Variants in GKN1 observed in about 807,000 individuals in gnomAD.
GKN1 encodes the protein gastrokine 1.
In GKN1, 17 loss-of-function variants were observed where a neutral mutation model predicts 19.7. That is an observed-to-expected ratio of 0.86 (90% CI 0.59 to 1.29). The LOEUF is 1.29. GKN1 is among the 50% of genes most tolerant of loss of function. The pLI, the probability that GKN1 is intolerant of heterozygous loss-of-function variation, is 0.00. For synonymous variants in GKN1, 96 were observed against 78.3 expected, an observed-to-expected ratio of 1.23 and a Z score of -1.20; for missense variants, 218 against 224.5, an observed-to-expected ratio of 0.97 and a Z score of 0.19.
rs766730731 is a variant in GKN1 at position 68,978,294 on chromosome 2, A to AAGAAAGAAAGAAAGAAAGAG, written c.204+523_204+524insAAGAAAGAAAGAAAGAGAGA. 3.7e-4 allele frequency among the ~76,000 whole-genome samples: 45 copies of AAGAAAGAAAGAAAGAAAGAG among 121,746 alleles called. 4 individuals carry two copies. Among genetic ancestry groups the AAGAAAGAAAGAAAGAAAGAG allele is most frequent in the African/African-American group, 1.4e-3 (38 of 27,152 alleles). The allele number at this position is 121,746 out of a possible 152,430, so 79.9% of individuals were successfully genotyped here. On this transcript the variant is annotated intron_variant, in intron 3 of 5. Coordinates refer to ENST00000377938, the MANE Select transcript of GKN1 (RefSeq NM_019617.4). ...AAGGAAAGAAAGAAAGAAAGAAAGA[A>AAGAAAGAAAGAAAGAAAGAG]AGAGAGAGAAAGAAAGAAAAAGAAA... is the stretch of plus-strand genomic sequence containing the variant.
chr2:68,979,817 A>G, intron 4 of GKN1, 96 bp from the exon 5 acceptor site: 2 of 943,014 alleles, frequency 2.1e-6, no homozygotes, highest in Non-Finnish European at 3.4e-6. Flanking sequence ...AGCAACACTC[A>G]CTGTTGGCCT....
intron 1 of GKN1, among the ~76,000 whole-genome samples, chr2:68,975,578 CTACTT>C (rs899229926): frequency 6.6e-6 from 1 of 152,152 alleles, no homozygotes; most frequent in Non-Finnish European, 1.5e-5. Context: ...ACGGCAGACT[CTACTT>C]TATAATGGGG....
At chr2:68,977,079 A>G (rs1670272792) in intron 1 of GKN1, among the ~76,000 whole-genome samples, 1 of 152,188 alleles carries the variant, frequency 6.6e-6, no homozygotes, top group Non-Finnish European at 1.5e-5. Context: ...GAAGAGAAAC[A>G]AGATGGTACA....
rs1462071539 is a variant in GKN1 at position 68,977,755 on chromosome 2, C to A, written c.185C>A (p.Ser62Tyr). The part of the protein sequence containing the change: ...DNNNGWDSWN[S>Y]IWDYGNGFAA... ...AACAACGGATGGGACTCCTGGAATTCCATCTGGGATTATGGAAATGTAGGT... is the reference window on the plus strand; with the variant it reads ...AACAACGGATGGGACTCCTGGAATTACATCTGGGATTATGGAAATGTAGGT... The change falls in exon 3 of 6, where the codon TCC becomes TAC. Residue 62 changes from serine (S) to tyrosine (Y), a missense_variant. Ser to Tyr is a moderately radical substitution (Grantham distance 144). Transcript: ENST00000377938. The A allele has an allele frequency of 3.7e-6, 6 of 1,611,542 alleles. No individual in the cohort carries two copies. The East Asian group carries it at 8.9e-5, about 24-fold the overall frequency.
chr2:68,977,478 G>A lies in GKN1; in HGVS notation c.13-17G>A. On this transcript the variant is annotated splice_polypyrimidine_tract_variant and intron_variant, in intron 1 of 5. Transcript: ENST00000377938. The stretch of plus-strand genomic sequence containing the variant: ...TTTTGCCATGTAACAGGAGACCAAT[G>A]TTATTTGTGATTTCAGATTGTCTTT... The A allele has an allele frequency of 6.3e-7, 1 of 1,577,136 alleles. No individual in the cohort carries two copies. The highest frequency in any genetic ancestry group is 8.7e-7 in the Non-Finnish European group (1 of 1,147,656).
chr2:68,979,833 A>G lies in GKN1; in HGVS notation c.316-80A>G, dbSNP rs930491387. The G allele has an allele frequency of 7.0e-5, 82 of 1,166,468 alleles. 1 individual carries two copies. The highest frequency in any genetic ancestry group is 1.0e-4 in the Non-Finnish European group (80 of 777,638). The allele number at this position is 1,166,468 out of a possible 1,614,324, so 72.3% of individuals were successfully genotyped here. A position where few individuals can be genotyped will look rare whatever the true frequency, so the allele number is the denominator to read the frequency against. ...GCAACACTCACTGTTGGCCTCGTAT[A>G]CCCCTCAAGTCAACAAACCACTGGG... is the stretch of plus-strand genomic sequence containing the variant. On this transcript the variant is annotated intron_variant, in intron 4 of 5. Transcript: ENST00000377938.
intron 5 of GKN1, 104 bp from the exon 6 acceptor site, chr2:68,980,625 C>T (rs1162493292): frequency 3.0e-6 from 2 of 671,148 alleles, no homozygotes; most frequent in Non-Finnish European, 5.3e-6. Flanking sequence ...TAAACCTTGA[C>T]ATTAGCACAT....
intron 5 of GKN1, 101 bp downstream of exon 5, chr2:68,980,161 C>A: frequency 2.0e-6 from 2 of 979,086 alleles, no homozygotes; most frequent in South Asian, 1.4e-5. Flanking sequence ...CAGGGATGGT[C>A]ATCAAGGCCA....
At chr2:68,977,085 G>A (rs894309354) in intron 1 of GKN1, among the ~76,000 whole-genome samples, 2 of 151,994 alleles carry the variant, frequency 1.3e-5, no homozygotes, top group East Asian at 1.9e-4. Flanking sequence ...AAACAAGATG[G>A]TACATTCTGG....
chr2:68,978,959 A>G lies in GKN1; in HGVS notation c.293A>G (p.Asp98Gly). 1 of 1,585,730 alleles carries G rather than the reference A, an allele frequency of 6.3e-7. No homozygotes were observed. The highest frequency in any genetic ancestry group is 8.7e-7 in the Non-Finnish European group (1 of 1,154,418). The stretch of plus-strand genomic sequence containing the variant: ...GTCATGCCCTCCATTCAATCCCTTG[A>G]TGCACTGGTCAAGGAAAAGAAGGTA... ...KEVMPSIQSL[D>G]ALVKEKKLQG... The change falls in exon 4 of 6, where the codon GAT (aspartate) becomes GGT (glycine). Residue 98 changes from aspartate (D) to glycine (G), a missense_variant. Coordinates refer to ENST00000377938, the MANE Select transcript of GKN1 (RefSeq NM_019617.4).
chr2:68,975,032 C>T (rs959214346), intron 1 of GKN1, among the ~76,000 whole-genome samples: 1 of 151,956 alleles, frequency 6.6e-6, no homozygotes, highest in Non-Finnish European at 1.5e-5. Context: ...ATAATCATGG[C>T]ATTTATAAGC....
At chr2:68,978,355 G>A (rs1348943697) in intron 3 of GKN1, among the ~76,000 whole-genome samples, 1 of 151,154 alleles carries the variant, frequency 6.6e-6, no homozygotes, top group Non-Finnish European at 1.5e-5. Flanking sequence ...AAGAGAGAAG[G>A]AAAGGAAAAG....
chr2:68,978,279 A>G lies in GKN1; in HGVS notation c.204+505A>G, dbSNP rs199902268. The stretch of plus-strand genomic sequence containing the variant: ...AAGAAAGAAGGAAGGAAGGAAAGAA[A>G]GAAAGAAAGAAAGAAAGAGAGAGAA... On this transcript the variant is annotated intron_variant, in intron 3 of 5. Transcript: ENST00000377938. Among the ~76,000 whole-genome samples, 783 of 93,836 alleles carry G rather than the reference A, an allele frequency of 8.3e-3. 6 individuals carry two copies. The highest frequency in any genetic ancestry group is 0.026 in the African/African-American group (435 of 16,442). 61.6% of individuals were successfully genotyped at this position (93,836 alleles called of 152,430 possible). A position where few individuals can be genotyped will look rare whatever the true frequency, so the allele number is the denominator to read the frequency against.
chr2:68,978,816 T>C, intron 3 of GKN1, 55 bp from the exon 4 acceptor site: 1 of 954,928 alleles, frequency 1.0e-6, no homozygotes, highest in South Asian at 1.4e-5. Flanking sequence ...TGACCTCTGA[T>C]AAGAAAAGCT....
At chr2:68,978,202 G>A (rs1203538516) in intron 3 of GKN1, 1 of 148,578 alleles carries the variant, frequency 6.7e-6, no homozygotes, top group Non-Finnish European at 1.5e-5. Flanking sequence ...AAATGTAAAT[G>A]ACAATATTAA....
intron 1 of GKN1, among the ~76,000 whole-genome samples, chr2:68,976,551 T>C (rs60769919): frequency 0.021 from 3,131 of 152,246 alleles, 93 homozygotes; most frequent in African/African-American, 0.07. Context: ...ACAGTACAAA[T>C]TTAAGCTGAA....
At position 68,980,063 on chromosome 2, in the gene GKN1, G is replaced by A. The variant is rs116508141; in HGVS notation, c.463+3G>A. The A allele has an allele frequency of 1.3e-3, 2,083 of 1,611,882 alleles. 28 individuals are homozygous for A. The African/African-American group carries it at 0.022, about 17-fold the overall frequency. On this transcript the variant is annotated splice_donor_region_variant and intron_variant, in intron 5 of 5. Coordinates refer to ENST00000377938, the MANE Select transcript of GKN1 (RefSeq NM_019617.4). Reference sequence around the variant, plus strand: ...ATACATGGCTGAGGAGATGCAAGGTGAGTAGCATCCCTACTGTGCACCCCA... The same window carrying A: ...ATACATGGCTGAGGAGATGCAAGGTAAGTAGCATCCCTACTGTGCACCCCA...
At chr2:68,980,121 C>T (rs900921621) in intron 5 of GKN1, 61 bp downstream of exon 5, 44 of 1,455,860 alleles carry the variant, frequency 3.0e-5, no homozygotes, top group African/African-American at 4.2e-5. Flanking sequence ...AGACTATCCT[C>T]GCGCGTGTCC....
rs375833269 is a variant in GKN1, at chr2:68,974,724, A to G, written c.12+35A>G. The G allele has an allele frequency of 8.1e-6, 10 of 1,241,960 alleles. No individual in the cohort carries two copies. The African/African-American group carries it at 1.5e-4, about 18-fold the overall frequency. 76.9% of individuals were successfully genotyped at this position (1,241,960 alleles called of 1,614,324 possible). A position where few individuals can be genotyped will look rare whatever the true frequency, so the allele number is the denominator to read the frequency against. On this transcript the variant is annotated intron_variant, in intron 1 of 5. Transcript: ENST00000377938. ...TTTTTCCTTTTGAATTTACCACCAA[A>G]TGATTGGAGACTGTCAATATTCTGA...
Sources: gnomAD v4.1 joint callset for allele counts (sites outside exome capture counted in the v4.1 genomes callset) on GRCh38, gnomAD v4.1.1 for gene constraint, MANE v1.5 for transcripts, NCBI Gene and HGNC (gene_info 2026-07-23, HGNC 2026-07-21) for gene names.